ZNF43: variants seen among roughly 807,000 people sequenced by gnomAD.
ZNF43 encodes zinc finger protein 43.
In ZNF43, 44 loss-of-function variants were observed where a neutral mutation model predicts 68.4. The observed-to-expected ratio is 0.64, with a 90% CI of 0.51 to 0.83. The LOEUF is 0.83. Among genes scored for constraint, ZNF43 ranks in the 40% least tolerant of loss-of-function variants. The pLI is 0.00. For synonymous variants in ZNF43, 308 were observed against 307.8 expected (o/e 1.00, Z -0.01); for missense variants, 896 against 933.2 (o/e 0.96, Z 0.52).
intron 1 of ZNF43, chr19:21,850,089 G>A (rs1003936454): frequency 3.9e-5 from 6 of 152,206 alleles, no homozygotes; most frequent in African/African-American, 1.4e-4. Flanking sequence ...CATCACCTGG[G>A]TGCTGAGCCC....
intron 1 of ZNF43, among the ~76,000 whole-genome samples, chr19:21,844,921 A>AAAAAATATATAT (rs1310761266): frequency 3.8e-4 from 10 of 26,050 alleles, no homozygotes; most frequent in African/African-American, 8.7e-4. Context: ...AAAAAAAAAA[A>AAAAAATATATAT]ATATATATAT....
At chr19:21,823,209 A>G (rs2037939270) in intron 1 of ZNF43, among the ~76,000 whole-genome samples, 1 of 152,200 alleles carries the variant, frequency 6.6e-6, no homozygotes, top group South Asian at 2.1e-4. Flanking sequence ...TCCAGTTGCT[A>G]GCCTAGACTA....
chr19:21,808,087 G>A lies in ZNF43; in HGVS notation c.1950C>T (p.Tyr650=). 6.2e-7 allele frequency: 1 copy of A among 1,612,948 alleles called. No homozygotes were observed. Among genetic ancestry groups the A allele is most frequent in the Admixed American group, 1.7e-5 (1 of 59,966 alleles). ...AGGCTTTGCCACATTCTTCACATTTGTAGGGTTTCTCCTCAGTGTGAATTA... is the reference window on the plus strand; with the variant it reads ...AGGCTTTGCCACATTCTTCACATTTATAGGGTTTCTCCTCAGTGTGAATTA... ...HKIIHTEEKP[Y]KCEECGKAFK... is the part of the protein sequence containing the mutation. Residue 650 remains tyrosine (Y), a synonymous_variant, in exon 4 of 4, where the codon TAC becomes TAT. Coordinates refer to ENST00000354959, the MANE Select transcript of ZNF43 (RefSeq NM_003423.4).
chr19:21,822,668 G>A (rs897623891), intron 1 of ZNF43, among the ~76,000 whole-genome samples: 2 of 152,080 alleles, frequency 1.3e-5, no homozygotes, highest in Admixed American at 6.5e-5. Context: ...AGCCGGGCAC[G>A]GTGGCGGGCA....
At chr19:21,819,385 AT>A in intron 1 of ZNF43, among the ~76,000 whole-genome samples, 164 bp from the exon 2 acceptor site, 1 of 152,236 alleles carries the variant, frequency 6.6e-6, no homozygotes, top group Non-Finnish European at 1.5e-5. Context: ...TCATGGAATT[AT>A]TCTCCAATGT....
chr19:21,809,741 G>C lies in ZNF43; in HGVS notation c.296C>G (p.Ala99Gly). ...ACAGTTTTTATATCTTCTCAGTGTC[G>C]CTTTTTGGAAAGGATCTTTTATATG... ...EQHIKDPFQK[A>G]TLRRYKNCEH... The change falls in exon 4 of 4, where the codon GCG becomes GGG. Residue 99 changes from alanine to glycine, a missense_variant. Physicochemically the swap from Ala to Gly is moderately conservative, Grantham distance 60. Transcript: ENST00000354959. 6.2e-7 allele frequency: 1 copy of C among 1,603,628 alleles called. No homozygotes were observed. The highest frequency in any genetic ancestry group is 8.5e-7 in the Non-Finnish European group (1 of 1,177,146).
chr19:21,844,657 G>A (rs1468821967), intron 1 of ZNF43, among the ~76,000 whole-genome samples: 1 of 151,456 alleles, frequency 6.6e-6, no homozygotes, highest in Non-Finnish European at 1.5e-5. Flanking sequence ...CAGCACTTTG[G>A]GAGACCGAGG....
At chr19:21,837,389 T>C (rs1416816864), upstream of ZNF43, among the ~76,000 whole-genome samples, 2 of 151,724 alleles carry the variant, frequency 1.3e-5, no homozygotes, top group East Asian at 3.9e-4. Context: ...CAGATGTGTA[T>C]TTGCATCTAC....
intron 1 of ZNF43, among the ~76,000 whole-genome samples, chr19:21,835,249 C>CAAA (rs377486360): frequency 1.2e-5 from 1 of 82,574 alleles, no homozygotes; most frequent in African/African-American, 4.1e-5. Context: ...AAGTCCATCT[C>CAAA]AAAAAAAAAA....
At chr19:21,819,360 A>G in intron 1 of ZNF43, 139 bp from the exon 2 acceptor site, 1 of 956,458 alleles carries the variant, frequency 1.0e-6, no homozygotes. Context: ...AAATTATCCA[A>G]TAAAATAATT....
intron 1 of ZNF43, among the ~76,000 whole-genome samples, chr19:21,823,117 A>G (rs1047756258): frequency 2.6e-5 from 4 of 152,216 alleles, no homozygotes; most frequent in Admixed American, 6.5e-5. Flanking sequence ...CAATACAAAG[A>G]AAGTGGACAA....
At chr19:21,849,110 G>A (rs75937847) in intron 1 of ZNF43, among the ~76,000 whole-genome samples, 6,210 of 152,202 alleles carry the variant, frequency 0.041, 210 homozygotes, top group South Asian at 0.15. Flanking sequence ...GGTGGGGTGG[G>A]CAAAGAAGAA....
In ZNF43 at chr19:21,819,217, G is replaced by A; in HGVS notation, c.8C>T (p.Pro3Leu). The A allele has an allele frequency of 6.3e-7, 1 of 1,588,464 alleles. No individual in the cohort carries two copies. The highest frequency in any genetic ancestry group is 8.5e-7 in the Non-Finnish European group (1 of 1,171,864). ...TATGGCCACATCCATAAATGTCAAT[G>A]GTCCCTAAAAAAAACAACACATACA... MG[P>L]LTFMDVAIEF... Residue 3 changes from proline to leucine, a missense_variant, in exon 2 of 4, where the codon CCA (proline) becomes CTA (leucine). Pro to Leu is a moderately conservative substitution (Grantham distance 98). Transcript: ENST00000354959.
chr19:21,823,820 C>T (rs558133904), intron 1 of ZNF43, among the ~76,000 whole-genome samples: 5 of 152,028 alleles, frequency 3.3e-5, no homozygotes, highest in East Asian at 3.9e-4. Context: ...CCATCCATCT[C>T]GGCCTCCCAA....
intron 1 of ZNF43, among the ~76,000 whole-genome samples, chr19:21,829,777 C>A (rs2038332765): frequency 6.6e-6 from 1 of 152,128 alleles, no homozygotes; most frequent in African/African-American, 2.4e-5. Flanking sequence ...ATATTGAACT[C>A]TTGAACATCT....
intron 1 of ZNF43, among the ~76,000 whole-genome samples, chr19:21,831,960 A>G (rs2038445174): frequency 6.6e-6 from 1 of 152,248 alleles, no homozygotes; most frequent in African/African-American, 2.4e-5. Context: ...CAAACTGCCC[A>G]AAGAAATGTA....
intron 1 of ZNF43, among the ~76,000 whole-genome samples, chr19:21,844,645 C>A (rs181060267): frequency 6.6e-6 from 1 of 151,506 alleles, no homozygotes; most frequent in Non-Finnish European, 1.5e-5. Flanking sequence ...CACCTGTAAT[C>A]CCAGCACTTT....
intron 1 of ZNF43, chr19:21,845,625 G>T (rs536090543): frequency 6.6e-6 from 1 of 152,276 alleles, no homozygotes; most frequent in East Asian, 1.9e-4. Context: ...CAGGCGCAGT[G>T]GCTCACGCCT....
At chr19:21,825,327 G>C (rs904986723) in intron 1 of ZNF43, among the ~76,000 whole-genome samples, 1 of 152,114 alleles carries the variant, frequency 6.6e-6, no homozygotes, top group Non-Finnish European at 1.5e-5. Flanking sequence ...GATATACATT[G>C]TTAAGGTTTA....
Sources: allele counts gnomAD v4.1 joint callset (sites outside exome capture counted in the v4.1 genomes callset), GRCh38; gene constraint gnomAD v4.1.1; transcripts MANE v1.5; gene names NCBI Gene and HGNC (gene_info 2026-07-23, HGNC 2026-07-21).